Variants in EDNRB observed in about 807,000 individuals in gnomAD.
The protein encoded by EDNRB is endothelin receptor type B.
A neutral mutation model predicts 46.4 loss-of-function variants in EDNRB; 18 were observed. The ratio of observed to expected loss-of-function variants is 0.39; its 90% CI spans 0.27 to 0.57. EDNRB has a LOEUF of 0.57. EDNRB is among the 20% of genes least tolerant of loss of function. The pLI is 0.61. For synonymous variants in EDNRB, 213 were observed against 204.9 expected (o/e 1.04, Z -0.34); for missense variants, 434 against 537.5 (o/e 0.81, Z 1.90).
At chr13:77,918,915 G>T (rs1291265188), upstream of EDNRB, 3 of 1,215,520 alleles carry the variant, frequency 2.5e-6, no homozygotes, top group Non-Finnish European at 3.1e-6. The surrounding 1 kb of genome is among the most constrained non-coding windows in gnomAD (Gnocchi z 4.5). Context: ...AATGATGGGG[G>T]TCCCAGGCAA....
intron 1 of EDNRB, among the ~76,000 whole-genome samples, chr13:77,934,968 G>A (rs1166374880): frequency 1.3e-5 from 2 of 148,256 alleles, no homozygotes; most frequent in African/African-American, 5.0e-5. Context: ...AGTCATGGGG[G>A]TCAGGTGTGG....
In EDNRB at chr13:77,903,141, A is replaced by C. The variant is rs1435721603; in HGVS notation, c.801+15T>G. 1 of 1,612,254 alleles carries C rather than the reference A, an allele frequency of 6.2e-7. No individual in the cohort carries two copies. The highest frequency in any genetic ancestry group is 8.5e-7 in the Non-Finnish European group (1 of 1,179,034). ...AGGCAAGAGCAGAAAGGAAAATAAA[A>C]AAAGTGAAATTTACCTGCATGAAAG... On this transcript the variant is annotated intron_variant, in intron 3 of 6. Transcript: ENST00000646607.
At chr13:77,927,450 A>G (rs149678989) in intron 1 of EDNRB, among the ~76,000 whole-genome samples, 118 of 152,326 alleles carry the variant, frequency 7.7e-4, no homozygotes, top group African/African-American at 2.7e-3. Flanking sequence ...AAAGTTGGGT[A>G]CTCATGATAA....
At chr13:77,925,866 C>T (rs944259015) in intron 1 of EDNRB, among the ~76,000 whole-genome samples, 1 of 152,174 alleles carries the variant, frequency 6.6e-6, no homozygotes, top group Admixed American at 6.5e-5. Flanking sequence ...TGCCGGCCCA[C>T]GAAAGCAGCC....
intron 1 of EDNRB, among the ~76,000 whole-genome samples, chr13:77,916,975 T>C (rs144985924): frequency 3.7e-4 from 56 of 152,084 alleles, no homozygotes; most frequent in East Asian, 2.9e-3. Flanking sequence ...TATTGTGGAA[T>C]TGAGGAAACT....
At chr13:77,901,296 G>T in intron 3 of EDNRB, 89 bp from the exon 4 acceptor site, 1 of 1,371,848 alleles carries the variant, frequency 7.3e-7, no homozygotes, top group Non-Finnish European at 1.0e-6. Flanking sequence ...ATTCATCAGG[G>T]AATGATTATC....
At chr13:77,928,521 T>A (rs1221552286) in intron 1 of EDNRB, among the ~76,000 whole-genome samples, 1 of 152,216 alleles carries the variant, frequency 6.6e-6, no homozygotes, top group Non-Finnish European at 1.5e-5. Flanking sequence ...AAGAGGAATG[T>A]CTTTCCTGAA....
intron 1 of EDNRB, among the ~76,000 whole-genome samples, chr13:77,964,617 G>A (rs1266939826): frequency 6.6e-6 from 1 of 152,106 alleles, no homozygotes; most frequent in Non-Finnish European, 1.5e-5. Context: ...ATCACACACC[G>A]GGGCCTGTCA....
chr13:77,942,050 C>T (rs1880764317), intron 1 of EDNRB, among the ~76,000 whole-genome samples: 1 of 152,150 alleles, frequency 6.6e-6, no homozygotes, highest in African/African-American at 2.4e-5. Flanking sequence ...GATGTCAATT[C>T]TTGTGCTTTG....
chr13:77,971,583 G>GT (rs34484665), intron 1 of EDNRB, among the ~76,000 whole-genome samples: 2,519 of 137,442 alleles, frequency 0.018, 54 homozygotes, highest in African/African-American at 0.051. Context: ...GCCAACATGA[G>GT]TTTTTTTTTT....
chr13:77,942,497 C>G (rs987818027), intron 1 of EDNRB, among the ~76,000 whole-genome samples: 1 of 152,108 alleles, frequency 6.6e-6, no homozygotes, highest in East Asian at 1.9e-4. Flanking sequence ...ATACATACTT[C>G]TCAGATATGC....
intron 1 of EDNRB, among the ~76,000 whole-genome samples, chr13:77,954,465 C>T (rs1168288869): frequency 6.7e-6 from 1 of 149,970 alleles, no homozygotes; most frequent in African/African-American, 2.5e-5. Context: ...GCAGGATTTT[C>T]TTTTTTAAGA....
At chr13:77,940,838 G>A (rs1309420565) in intron 1 of EDNRB, among the ~76,000 whole-genome samples, 14 of 152,064 alleles carry the variant, frequency 9.2e-5, no homozygotes, top group Admixed American at 9.2e-4. Flanking sequence ...GGAGATGGAA[G>A]GAGGTTAAGC....
intron 1 of EDNRB, among the ~76,000 whole-genome samples, chr13:77,945,109 C>T (rs528273746): frequency 2.8e-4 from 42 of 152,160 alleles, no homozygotes; most frequent in South Asian, 8.3e-4. Flanking sequence ...CAGGTGGCAG[C>T]GGTACTAGTG....
chr13:77,955,893 C>CTATT lies in EDNRB; in HGVS notation c.-52+19450_-52+19453dup, dbSNP rs1881224962. The stretch of plus-strand genomic sequence containing the variant: ...TCTATCTATCTATCTATCTATCTAT[C>CTATT]TATTTTTATGCCAGTACCATACTGT... On this transcript the variant is annotated intron_variant, in intron 1 of 7. Coordinates refer to the EDNRB transcript ENST00000646948. Among the ~76,000 whole-genome samples, 4 of 144,750 alleles carry CTATT rather than the reference C, an allele frequency of 2.8e-5. No individual in the cohort carries two copies. The South Asian group carries it at 9.0e-4, about 33-fold the overall frequency. 95.0% of individuals were successfully genotyped at this position (144,750 alleles called of 152,430 possible). A position where few individuals can be genotyped will look rare whatever the true frequency, so the allele number is the denominator to read the frequency against.
At chr13:77,919,135 G>C (rs902745742), upstream of EDNRB, 34 of 520,080 alleles carry the variant, frequency 6.5e-5, no homozygotes, top group East Asian at 1.0e-3. Flanking sequence ...CTGAGCTACA[G>C]CTCCCGCAGC....
intron 1 of EDNRB, among the ~76,000 whole-genome samples, chr13:77,911,335 G>C (rs1879559373): frequency 6.6e-6 from 1 of 151,986 alleles, no homozygotes; most frequent in Admixed American, 6.6e-5. Context: ...TCTATCTGTG[G>C]AATATCTTAT....
upstream of EDNRB, among the ~76,000 whole-genome samples, chr13:77,923,783 T>C (rs538034230): frequency 6.6e-6 from 1 of 152,078 alleles, no homozygotes; most frequent in South Asian, 2.1e-4. Context: ...AGGTACTTTT[T>C]TTTTTTTTTT....
chr13:77,899,595 A>G (rs1456450011), intron 6 of EDNRB: 3 of 390,592 alleles, frequency 7.7e-6, no homozygotes, highest in African/African-American at 2.1e-5. Flanking sequence ...AATGCATGTA[A>G]TTTTTATTAC....
Sources: gnomAD v4.1 joint callset for allele counts (sites outside exome capture counted in the v4.1 genomes callset) on GRCh38, gnomAD v4.1.1 for gene constraint, Gnocchi (gnomAD v3.1) non-coding constraint, MANE v1.5 for transcripts, NCBI Gene and HGNC (gene_info 2026-07-23, HGNC 2026-07-21) for gene names.